KIF6: variants seen among roughly 807,000 people sequenced by gnomAD.
KIF6 encodes kinesin family member 6.
In KIF6, 106 loss-of-function variants were observed where a neutral mutation model predicts 112.7. That is an observed-to-expected ratio of 0.94 (90% CI 0.80 to 1.11). KIF6 has a LOEUF of 1.11. Ranked by LOEUF, KIF6 falls within the 50% of genes least tolerant of loss-of-function variation. The pLI, the probability that KIF6 is intolerant of heterozygous loss-of-function variation, is 0.00. For missense variants in KIF6, 929 were observed against 964.0 expected (o/e 0.96, Z 0.48); for synonymous variants, 339 against 339.9 (o/e 1.00, Z 0.03).
chr6:39,521,065 C>G (rs1777371132), intron 13 of KIF6, among the ~76,000 whole-genome samples: 1 of 152,114 alleles, frequency 6.6e-6, no homozygotes, highest in Non-Finnish European at 1.5e-5. Context: ...TGGTATAAAT[C>G]CCAGAAAATC....
chr6:39,575,240 A>G (rs564955489), intron 10 of KIF6, among the ~76,000 whole-genome samples: 13 of 151,414 alleles, frequency 8.6e-5, no homozygotes, highest in Admixed American at 2.0e-4. Context: ...GAGGGGCTGA[A>G]GCAGCTGCCA....
At chr6:39,545,810 C>G (rs1779041765) in intron 10 of KIF6, 122 bp from the exon 11 acceptor site, 5 of 572,840 alleles carry the variant, frequency 8.7e-6, no homozygotes, top group Non-Finnish European at 1.5e-5. Context: ...TACAGAAGTA[C>G]AGATTTGAGT....
At chr6:39,567,859 G>A (rs929255998) in intron 10 of KIF6, among the ~76,000 whole-genome samples, 3 of 152,106 alleles carry the variant, frequency 2.0e-5, no homozygotes, top group Non-Finnish European at 4.4e-5. Context: ...CGCCCGCCTT[G>A]GCCTCCCAAA....
intron 4 of KIF6, among the ~76,000 whole-genome samples, chr6:39,637,527 C>T (rs1049820189): frequency 1.3e-5 from 2 of 151,940 alleles, no homozygotes; most frequent in Non-Finnish European, 2.9e-5. Flanking sequence ...AAATGTACTC[C>T]TGGCATACTC....
intron 13 of KIF6, among the ~76,000 whole-genome samples, chr6:39,491,004 C>A (rs79421181): frequency 1.3e-5 from 2 of 152,152 alleles, no homozygotes; most frequent in Non-Finnish European, 2.9e-5. Context: ...AAGATGGACA[C>A]AACAATATCT....
chr6:39,477,590 C>T (rs1053746283), intron 13 of KIF6, among the ~76,000 whole-genome samples: 12 of 152,094 alleles, frequency 7.9e-5, no homozygotes, highest in South Asian at 2.1e-4. Flanking sequence ...TGGCTGGGTG[C>T]GGTGGCTCAC....
At chr6:39,525,941 T>C (rs1401212168) in intron 13 of KIF6, among the ~76,000 whole-genome samples, 1 of 152,200 alleles carries the variant, frequency 6.6e-6, no homozygotes, top group African/African-American at 2.4e-5. Flanking sequence ...TGGTCGGGAT[T>C]CTACTTGTTT....
chr6:39,373,371 C>G (rs899248002), intron 16 of KIF6, among the ~76,000 whole-genome samples: 3 of 152,104 alleles, frequency 2.0e-5, no homozygotes, highest in Non-Finnish European at 4.4e-5. Flanking sequence ...CTTGTGGAGG[C>G]CTTCAATGCT....
Position 39,725,286 on chromosome 6 carries a change from A to T in KIF6, c.25T>A (p.Phe9Ile), listed in dbSNP as rs1409850031. MVKQTIQI[F>I]ARVKPPVRKH... ...CGGACAGGGGGCTTCACCCTCGCGAATATCTGGATAGTCTGCTTCACCATC... is the reference window on the plus strand; with the variant it reads ...CGGACAGGGGGCTTCACCCTCGCGATTATCTGGATAGTCTGCTTCACCATC... The change falls in exon 1 of 23, where the codon TTC (phenylalanine) becomes ATC (isoleucine). Residue 9 changes from phenylalanine (F) to isoleucine (I), a missense_variant. By Grantham distance (21) the Phe-to-Ile change is conservative. Coordinates refer to ENST00000287152, the MANE Select transcript of KIF6 (RefSeq NM_145027.6). The T allele has an allele frequency of 2.5e-6, 4 of 1,611,002 alleles. No homozygotes were observed. The highest frequency in any genetic ancestry group is 3.4e-6 in the Non-Finnish European group (4 of 1,178,808).
chr6:39,594,795 A>G (rs1782156481), intron 7 of KIF6, among the ~76,000 whole-genome samples: 1 of 151,132 alleles, frequency 6.6e-6, no homozygotes, highest in South Asian at 2.1e-4. Flanking sequence ...GCCTCACAAG[A>G]CTCTGTACTT....
intron 13 of KIF6, among the ~76,000 whole-genome samples, chr6:39,490,189 A>T (rs1775389814): frequency 6.6e-6 from 1 of 152,216 alleles, no homozygotes; most frequent in Non-Finnish European, 1.5e-5. Flanking sequence ...TGTGCTCTCT[A>T]ACATCAGTAC....
intron 3 of KIF6, among the ~76,000 whole-genome samples, chr6:39,646,834 A>C (rs1785194533): frequency 6.6e-6 from 1 of 151,982 alleles, no homozygotes; most frequent in South Asian, 2.1e-4. Flanking sequence ...CCTTATCCAT[A>C]CTTGCCTTTC....
At chr6:39,400,733 G>A (rs1484926723) in intron 15 of KIF6, among the ~76,000 whole-genome samples, 1 of 152,198 alleles carries the variant, frequency 6.6e-6, no homozygotes, top group Non-Finnish European at 1.5e-5. Flanking sequence ...ACTGGAAACA[G>A]ATCTGACCCC....
chr6:39,397,690 A>T (rs191173759), intron 15 of KIF6, among the ~76,000 whole-genome samples: 14 of 152,328 alleles, frequency 9.2e-5, no homozygotes, highest in Admixed American at 5.9e-4. Flanking sequence ...GGCAAAGCAG[A>T]CAACATAACC....
At chr6:39,473,157 A>C (rs1017001732) in intron 13 of KIF6, among the ~76,000 whole-genome samples, 2 of 152,102 alleles carry the variant, frequency 1.3e-5, no homozygotes, top group African/African-American at 4.8e-5. Flanking sequence ...AAGTGCTGGG[A>C]TTACAGGCGT....
rs571198798 is a variant in KIF6 at position 39,389,834 on chromosome 6, T to C, written c.1811-4162A>G. On this transcript the variant is annotated intron_variant, in intron 15 of 22. Transcript: ENST00000287152. Reference sequence around the variant, plus strand: ...TCACCTGAGGTCAGGAGTTTAAGACTAGTCTGGCCAACATGGCAAAACTCC... The same window carrying C: ...TCACCTGAGGTCAGGAGTTTAAGACCAGTCTGGCCAACATGGCAAAACTCC... Among the ~76,000 whole-genome samples the C allele has an allele frequency of 5.3e-5, 8 of 152,166 alleles. No individual in the cohort carries two copies. The South Asian group carries it at 1.7e-3, about 32-fold the overall frequency.
chr6:39,337,239 T>TTTCTTTCTTTCTTTCTTTC (rs1763075290), intron 22 of KIF6, among the ~76,000 whole-genome samples: 15 of 93,036 alleles, frequency 1.6e-4, no homozygotes, highest in Middle Eastern at 3.8e-3. Context: ...TTCTTTCTTT[T>TTTCTTTCTTTCTTTCTTTC]TCTTTCTTTT....
chr6:39,491,264 A>G (rs538669645), intron 13 of KIF6, among the ~76,000 whole-genome samples: 2 of 152,194 alleles, frequency 1.3e-5, no homozygotes, highest in South Asian at 4.2e-4. Flanking sequence ...GGTAACTGCC[A>G]TGTTGTGAGA....
At chr6:39,662,949 C>G (rs1022374339) in intron 3 of KIF6, among the ~76,000 whole-genome samples, 1 of 151,338 alleles carries the variant, frequency 6.6e-6, no homozygotes, top group African/African-American at 2.4e-5. Context: ...GGCTGGAGTG[C>G]AGTGGCACCA....
Sources: allele counts gnomAD v4.1 joint callset (sites outside exome capture counted in the v4.1 genomes callset), GRCh38; gene constraint gnomAD v4.1.1; transcripts MANE v1.5; gene names NCBI Gene and HGNC (gene_info 2026-07-23, HGNC 2026-07-21).